Variants in ST3GAL6 observed in about 807,000 individuals in gnomAD.
ST3GAL6 encodes type 2 lactosamine alpha-2,3-sialyltransferase.
In ST3GAL6, 31 loss-of-function variants were observed where a neutral mutation model predicts 40.5. That is an observed-to-expected ratio of 0.77 (90% CI 0.58 to 1.03). The LOEUF is 1.03. ST3GAL6 is among the 50% of genes least tolerant of loss of function. ST3GAL6 has a pLI of 0.00. For missense variants in ST3GAL6, 357 were observed against 393.2 expected, an observed-to-expected ratio of 0.91 and a Z score of 0.78; for synonymous variants, 129 against 136.9, an observed-to-expected ratio of 0.94 and a Z score of 0.40.
chr3:98,792,106 G>A, intron 9 of ST3GAL6, 113 bp downstream of exon 9: 1 of 1,074,494 alleles, frequency 9.3e-7, no homozygotes, highest in Non-Finnish European at 1.3e-6. Context: ...ACGTTTTGAA[G>A]GGTTGAGGGC....
rs376953090 is a variant in ST3GAL6 at position 98,772,880 on chromosome 3, G to A, written c.235G>A (p.Asp79Asn). 1.3e-5 allele frequency: 21 copies of A among 1,612,594 alleles called. No homozygotes were observed. The highest frequency in any genetic ancestry group is 6.7e-5 in the East Asian group (3 of 44,802). The change falls in exon 4 of 10, where the codon GAT (aspartate) becomes AAT (asparagine). Residue 79 changes from aspartate (D) to asparagine (N), a missense_variant. Asp to Asn is a conservative substitution (Grantham distance 23). Coordinates refer to ENST00000483910, the MANE Select transcript of ST3GAL6 (RefSeq NM_001323368.2). ...AAAGATTGCTTCCTTGTATGGTAGC[G>A]ATAAGTTTGATTTGCCCTATGGGAT... Reference protein sequence around the residue: ...FRKIASLYGSDKFDLPYGMRT... With the variant: ...FRKIASLYGSNKFDLPYGMRT...
At chr3:98,737,438 A>G (rs1935651110) in intron 1 of ST3GAL6, among the ~76,000 whole-genome samples, 1 of 152,050 alleles carries the variant, frequency 6.6e-6, no homozygotes, top group South Asian at 2.1e-4. Context: ...TCTTTCTACT[A>G]ATTTACCATA....
upstream of ST3GAL6, chr3:98,763,289 G>A (rs1006680322): frequency 7.8e-7 from 1 of 1,282,500 alleles, no homozygotes; most frequent in Non-Finnish European, 1.0e-6. Flanking sequence ...AGGAAGGAAG[G>A]CAGGATGTGA....
At chr3:98,781,131 T>A (rs9878392) in intron 5 of ST3GAL6, among the ~76,000 whole-genome samples, 64,834 of 152,012 alleles carry the variant, frequency 0.43, 14,009 homozygotes, top group Non-Finnish European at 0.45. Context: ...ATAGACACCA[T>A]GGAATACTAT....
chr3:98,749,978 A>G (rs1328416821), intron 1 of ST3GAL6, among the ~76,000 whole-genome samples: 1 of 152,236 alleles, frequency 6.6e-6, no homozygotes, highest in Non-Finnish European at 1.5e-5. Flanking sequence ...TTCCAGGGCT[A>G]GGAATATAAT....
chr3:98,742,321 CTCTG>C (rs1490358539), intron 1 of ST3GAL6, among the ~76,000 whole-genome samples: 1 of 152,178 alleles, frequency 6.6e-6, no homozygotes, highest in African/African-American at 2.4e-5. Flanking sequence ...TAGATTTTAA[CTCTG>C]TCTTTTTGTG....
chr3:98,751,422 A>G (rs914423225), intron 1 of ST3GAL6, among the ~76,000 whole-genome samples: 4 of 152,206 alleles, frequency 2.6e-5, no homozygotes, highest in Admixed American at 2.6e-4. Flanking sequence ...AATAGTAGGC[A>G]TTAAACAGCA....
At chr3:98,784,920 T>G (rs764472042) in intron 5 of ST3GAL6, 25 bp from the exon 6 acceptor site, 1 of 1,581,798 alleles carries the variant, frequency 6.3e-7, no homozygotes, top group East Asian at 2.2e-5. Flanking sequence ...TGGCTCAATC[T>G]CTCACTTGTC....
Position 98,795,390 on chromosome 3 carries a change from T to TAACC in ST3GAL6, c.*1630_*1633dup, listed in dbSNP as rs1458052038. ...AAGGGGAGAACAGTAGTAGTTGATCTAACCCAGATTAGACATGAATACCAG... is the reference window on the plus strand; with the variant it reads ...AAGGGGAGAACAGTAGTAGTTGATCTAACCAACCCAGATTAGACATGAATACCAG... On this transcript the variant is annotated 3_prime_UTR_variant, in exon 10 of 10. Transcript: ENST00000483910. 6.6e-6 allele frequency: 1 copy of TAACC among 152,196 alleles called. No homozygotes were observed. Among genetic ancestry groups the TAACC allele is most frequent in the African/African-American group, 2.4e-5 (1 of 41,456 alleles). The allele number at this position is 152,196 out of a possible 1,614,324, so 9.4% of individuals were successfully genotyped here.
chr3:98,775,150 G>T (rs986288480), intron 5 of ST3GAL6, among the ~76,000 whole-genome samples: 1 of 152,158 alleles, frequency 6.6e-6, no homozygotes, highest in African/African-American at 2.4e-5. Flanking sequence ...AACCTAGATA[G>T]TTCAACTCCA....
chr3:98,793,360 C>T (rs1941367430), intron 9 of ST3GAL6, among the ~76,000 whole-genome samples: 1 of 152,126 alleles, frequency 6.6e-6, no homozygotes, highest in African/African-American at 2.4e-5. Flanking sequence ...GGGCTTCTTC[C>T]ATTAAAGTGA....
intron 2 of ST3GAL6, 115 bp from the exon 3 acceptor site, chr3:98,770,764 G>C (rs900692003): frequency 1.2e-6 from 1 of 841,242 alleles, no homozygotes; most frequent in African/African-American, 1.7e-5. Flanking sequence ...GAGTATTTTT[G>C]TTTGCTGCCA....
At chr3:98,768,300 T>C in intron 1 of ST3GAL6, 130 bp from the exon 2 acceptor site, 1 of 710,900 alleles carries the variant, frequency 1.4e-6, no homozygotes, top group Non-Finnish European at 2.5e-6. Flanking sequence ...CAAAATTACA[T>C]GCCCACATCA....
At chr3:98,746,972 A>T (rs1936608071) in intron 1 of ST3GAL6, among the ~76,000 whole-genome samples, 1 of 152,238 alleles carries the variant, frequency 6.6e-6, no homozygotes, top group Non-Finnish European at 1.5e-5. Flanking sequence ...CCACTTCAAG[A>T]CTAAAGACCA....
intron 1 of ST3GAL6, among the ~76,000 whole-genome samples, chr3:98,735,380 C>A (rs184310283): frequency 6.6e-6 from 1 of 152,270 alleles, no homozygotes; most frequent in Non-Finnish European, 1.5e-5. Context: ...TTCTAGTTAT[C>A]CCCAGGCTGG....
intron 5 of ST3GAL6, among the ~76,000 whole-genome samples, chr3:98,774,783 T>A (rs1939354901): frequency 6.6e-6 from 1 of 152,140 alleles, no homozygotes; most frequent in Non-Finnish European, 1.5e-5. Flanking sequence ...GTAGACAGAG[T>A]TTGCCATAAG....
At chr3:98,749,438 T>C (rs1373711916) in intron 1 of ST3GAL6, among the ~76,000 whole-genome samples, 2 of 152,192 alleles carry the variant, frequency 1.3e-5, no homozygotes, top group Non-Finnish European at 2.9e-5. Flanking sequence ...CACGGGAATT[T>C]TAAGGTTTGG....
chr3:98,744,493 A>G (rs1406054468), intron 1 of ST3GAL6, among the ~76,000 whole-genome samples: 1 of 152,158 alleles, frequency 6.6e-6, no homozygotes, highest in African/African-American at 2.4e-5. Flanking sequence ...CCTGTCTGTG[A>G]TGTGCCCTGG....
chr3:98,747,304 A>G (rs1023685943), intron 1 of ST3GAL6, among the ~76,000 whole-genome samples: 23 of 152,230 alleles, frequency 1.5e-4, no homozygotes, highest in African/African-American at 4.8e-4. Flanking sequence ...ATAGATTCAC[A>G]TAAACTGGAA....
Sources: allele counts gnomAD v4.1 joint callset (sites outside exome capture counted in the v4.1 genomes callset), GRCh38; gene constraint gnomAD v4.1.1; transcripts MANE v1.5; gene names NCBI Gene and HGNC (gene_info 2026-07-23, HGNC 2026-07-21).